CLASP1: variants seen among roughly 807,000 people sequenced by gnomAD.
CLASP1 encodes the protein cytoplasmic linker associated protein 1.
A neutral mutation model predicts 192.3 loss-of-function variants in CLASP1; 38 were observed. The ratio of observed to expected loss-of-function variants is 0.20; its 90% CI spans 0.15 to 0.26. The LOEUF is 0.26. Among genes scored for constraint, CLASP1 ranks in the 10% least tolerant of loss-of-function variants. The pLI, the probability that CLASP1 is intolerant of heterozygous loss-of-function variation, is 1.00. For synonymous variants in CLASP1, 691 were observed against 712.8 expected, an observed-to-expected ratio of 0.97 and a Z score of 0.49; for missense variants, 1,433 against 1,932.5, an observed-to-expected ratio of 0.74 and a Z score of 4.85.
chr2:121,423,473 G>A (rs2079857919), intron 22 of CLASP1, among the ~76,000 whole-genome samples: 1 of 151,918 alleles, frequency 6.6e-6, no homozygotes, highest in Non-Finnish European at 1.5e-5. Flanking sequence ...AGATTAAAAT[G>A]GCATCTTTAA....
intron 2 of CLASP1, among the ~76,000 whole-genome samples, chr2:121,565,544 C>A (rs867006881): frequency 1.7e-4 from 26 of 152,324 alleles, no homozygotes; most frequent in African/African-American, 5.8e-4. Context: ...CACAGCCAAC[C>A]AAAGCTCTGC....
At chr2:121,532,295 T>C (rs1213711314) in intron 2 of CLASP1, 3 of 152,176 alleles carry the variant, frequency 2.0e-5, no homozygotes, top group African/African-American at 7.2e-5. Flanking sequence ...TTAAATAATA[T>C]AATAATGGTA....
chr2:121,415,007 T>G (rs2078326482), intron 23 of CLASP1, among the ~76,000 whole-genome samples: 1 of 152,176 alleles, frequency 6.6e-6, no homozygotes, highest in Non-Finnish European at 1.5e-5. Flanking sequence ...CTCAAACTTC[T>G]GGGCTCAAGC....
intron 14 of CLASP1, among the ~76,000 whole-genome samples, chr2:121,455,354 T>C (rs945947373): frequency 1.2e-4 from 19 of 152,312 alleles, no homozygotes; most frequent in African/African-American, 4.6e-4. Flanking sequence ...TGAACTCTCA[T>C]GATTATTGCA....
rs575499505 is a variant in CLASP1, at chr2:121,536,163, C to T, written c.196-5838G>A. 2.0e-3 allele frequency among the ~76,000 whole-genome samples: 306 copies of T among 151,198 alleles called. 1 individual carries two copies. The highest frequency in any genetic ancestry group is 7.1e-3 in the African/African-American group (293 of 41,272). On this transcript the variant is annotated intron_variant, in intron 2 of 39. Coordinates refer to ENST00000263710, the Ensembl canonical transcript of CLASP1. ...TTGGGAGGCCGAGGTGGGCAGATCA[C>T]GAAGTCAGGAGATCGAGACCATCCT...
chr2:121,435,162 AAAT>A (rs1393411924), intron 19 of CLASP1, among the ~76,000 whole-genome samples: 4 of 152,234 alleles, frequency 2.6e-5, no homozygotes, highest in African/African-American at 9.6e-5. Flanking sequence ...CTCCATTTAA[AAAT>A]AATAAAAAAT....
At chr2:121,443,131 T>A (rs1476258504) in intron 19 of CLASP1, among the ~76,000 whole-genome samples, 2 of 152,142 alleles carry the variant, frequency 1.3e-5, no homozygotes, top group East Asian at 3.9e-4. Context: ...ACACTCCCTA[T>A]GCTTCTTCAG....
chr2:121,521,519 G>A (rs535172021), intron 6 of CLASP1, among the ~76,000 whole-genome samples: 11 of 152,104 alleles, frequency 7.2e-5, no homozygotes, highest in South Asian at 2.1e-4. Flanking sequence ...AACTTCCTAC[G>A]TCATGCAGAA....
At chr2:121,602,701 T>C (rs7595166) in intron 2 of CLASP1, among the ~76,000 whole-genome samples, 36,403 of 152,030 alleles carry the variant, frequency 0.24, 6,652 homozygotes, top group African/African-American at 0.51. Flanking sequence ...AGAACACTCA[T>C]TGGGGAAAGG....
chr2:121,571,865 G>C (rs1322494324), intron 2 of CLASP1, among the ~76,000 whole-genome samples: 5 of 152,042 alleles, frequency 3.3e-5, no homozygotes, highest in African/African-American at 1.2e-4. Flanking sequence ...TCAGGTGTTT[G>C]GGCTTTCTTG....
chr2:121,414,595 T>C (rs1161115203), intron 23 of CLASP1, among the ~76,000 whole-genome samples: 1 of 152,072 alleles, frequency 6.6e-6, no homozygotes, highest in Non-Finnish European at 1.5e-5. Flanking sequence ...GTAAGACGGA[T>C]TGTTAGCTCA....
At chr2:121,543,375 T>C (rs1424852225) in intron 2 of CLASP1, among the ~76,000 whole-genome samples, 1 of 152,182 alleles carries the variant, frequency 6.6e-6, no homozygotes, top group African/African-American at 2.4e-5. Flanking sequence ...GTGGGTCATA[T>C]CCAGTCACAG....
At chr2:121,633,603 A>G (rs905660338) in intron 1 of CLASP1, among the ~76,000 whole-genome samples, 6 of 152,132 alleles carry the variant, frequency 3.9e-5, no homozygotes, top group Admixed American at 3.3e-4. Flanking sequence ...TCTTATCTGT[A>G]GCCACTTCTC....
Position 121,401,715 on chromosome 2 carries a change from C to G in CLASP1, c.2737-43G>C, listed in dbSNP as rs752482923. ...CCAAGTAGTTCACATATTGAATTCA[C>G]GATCTCCTCCAAAGTCTACAAAACA... On this transcript the variant is annotated intron_variant, in intron 27 of 39. Coordinates refer to ENST00000263710, the Ensembl canonical transcript of CLASP1. 1.6e-5 allele frequency: 25 copies of G among 1,518,590 alleles called. No individual in the cohort carries two copies. The African/African-American group carries it at 3.0e-4, about 18-fold the overall frequency. The allele number at this position is 1,518,590 out of a possible 1,614,324, so 94.1% of individuals were successfully genotyped here.
intron 1 of CLASP1, among the ~76,000 whole-genome samples, chr2:121,641,927 A>G (rs1470395804): frequency 6.6e-6 from 1 of 152,114 alleles, no homozygotes; most frequent in Non-Finnish European, 1.5e-5. Flanking sequence ...CAGGAGGCTG[A>G]GGTGGGAGGA....
intron 19 of CLASP1, among the ~76,000 whole-genome samples, chr2:121,435,864 A>G (rs2082212055): frequency 6.6e-6 from 1 of 152,188 alleles, no homozygotes; most frequent in Non-Finnish European, 1.5e-5. Flanking sequence ...AACATCTTAC[A>G]AAGCTATAGT....
intron 30 of CLASP1, 81 bp downstream of exon 31, chr2:121,397,059 G>T (rs182116882): frequency 2.8e-6 from 4 of 1,444,938 alleles, no homozygotes; most frequent in East Asian, 4.5e-5. Context: ...TGGGTGGCAC[G>T]GTTTTCAAGT....
exon 7 of CLASP1, chr2:121,515,676 C>T: frequency 6.2e-7 from 1 of 1,613,894 alleles, no homozygotes; most frequent in South Asian, 1.1e-5. Flanking sequence ...GGGACTGTGG[C>T]AATCCTTTTT....
At chr2:121,526,433 C>T (rs1016697066) in intron 5 of CLASP1, among the ~76,000 whole-genome samples, 5 of 152,320 alleles carry the variant, frequency 3.3e-5, no homozygotes, top group African/African-American at 1.2e-4. Context: ...ATTTGAGTTA[C>T]AATTTTCACC....
Sources: gnomAD v4.1 joint callset for allele counts (sites outside exome capture counted in the v4.1 genomes callset) on GRCh38, gnomAD v4.1.1 for gene constraint, MANE v1.5 for transcripts, NCBI Gene and HGNC (gene_info 2026-07-23, HGNC 2026-07-21) for gene names.